Variants in GRID1 observed in about 807,000 individuals in gnomAD.
GRID1 encodes glutamate ionotropic receptor delta type subunit 1.
A neutral mutation model predicts 98.0 loss-of-function variants in GRID1; 28 were observed. The ratio of observed to expected loss-of-function variants is 0.29; its 90% CI spans 0.21 to 0.39. The LOEUF (loss-of-function observed/expected upper bound fraction) is 0.39, where lower values mean the gene tolerates loss of function less well. Ranked by LOEUF, GRID1 falls within the 10% of genes least tolerant of loss-of-function variation. The pLI, the probability that GRID1 is intolerant of heterozygous loss-of-function variation, is 1.00. For synonymous variants in GRID1, 553 were observed against 538.5 expected (o/e 1.03, Z -0.37); for missense variants, 1,111 against 1,340.5 (o/e 0.83, Z 2.67).
intron 12 of GRID1, among the ~76,000 whole-genome samples, chr10:85,704,381 C>T (rs1458357782): frequency 6.6e-6 from 1 of 152,184 alleles, no homozygotes; most frequent in Non-Finnish European, 1.5e-5. Context: ...AAGGCCATTA[C>T]ATAATGGTAA....
At chr10:85,742,928 T>G (rs1841958541) in intron 8 of GRID1, among the ~76,000 whole-genome samples, 1 of 152,140 alleles carries the variant, frequency 6.6e-6, no homozygotes, top group Non-Finnish European at 1.5e-5. Flanking sequence ...CAGATAATTA[T>G]TTGTGGGTTG....
At chr10:86,236,146 AT>A (rs1487858890) in intron 2 of GRID1, among the ~76,000 whole-genome samples, 1 of 152,186 alleles carries the variant, frequency 6.6e-6, no homozygotes, top group African/African-American at 2.4e-5. Context: ...GACTAACATT[AT>A]TGAACATCTT....
At chr10:86,111,877 T>G (rs1387760028) in intron 4 of GRID1, among the ~76,000 whole-genome samples, 1 of 152,210 alleles carries the variant, frequency 6.6e-6, no homozygotes, top group Non-Finnish European at 1.5e-5. Context: ...ATAGAATCTC[T>G]GGATGACATT....
chr10:86,098,632 C>T (rs1051080770), intron 4 of GRID1, among the ~76,000 whole-genome samples: 9 of 152,220 alleles, frequency 5.9e-5, no homozygotes, highest in Non-Finnish European at 8.8e-5. Context: ...CAGAACATCT[C>T]CACCAGGTTA....
At chr10:85,735,175 C>T (rs1224327428) in intron 8 of GRID1, among the ~76,000 whole-genome samples, 3 of 152,132 alleles carry the variant, frequency 2.0e-5, no homozygotes, top group South Asian at 2.1e-4. Flanking sequence ...TTTACAGGAT[C>T]GATGAATTTA....
intron 4 of GRID1, among the ~76,000 whole-genome samples, chr10:86,060,938 C>A (rs1843639409): frequency 6.6e-6 from 1 of 152,138 alleles, no homozygotes; most frequent in African/African-American, 2.4e-5. Flanking sequence ...GATCAGTTGA[C>A]TCTACAATGC....
intron 8 of GRID1, among the ~76,000 whole-genome samples, chr10:85,753,857 G>A (rs1179416011): frequency 6.6e-6 from 1 of 152,168 alleles, no homozygotes; most frequent in Non-Finnish European, 1.5e-5. Context: ...GGATTGCAAG[G>A]TGATACACCA....
Position 86,111,725 on chromosome 10 carries a change from C to A in GRID1, c.726+27094G>T, listed in dbSNP as rs370614400. On this transcript the variant is annotated intron_variant, in intron 4 of 15. Transcript: ENST00000327946. ...GATGAGGATCTGGTGTTCACAGCTT[C>A]CCAGGCTAACAGATATCAGTGTTTG... Among the ~76,000 whole-genome samples the A allele has an allele frequency of 1.6e-4, 25 of 152,326 alleles. No homozygotes were observed. The South Asian group carries it at 2.3e-3, about 14-fold the overall frequency.
chr10:85,818,725 ATT>A (rs199713936), intron 8 of GRID1, among the ~76,000 whole-genome samples: 34 of 148,612 alleles, frequency 2.3e-4, no homozygotes, highest in African/African-American at 7.8e-4. Flanking sequence ...AGCAATAGTA[ATT>A]TTTTTTTTTT....
At chr10:85,662,877 T>C (rs1258673070) in intron 12 of GRID1, among the ~76,000 whole-genome samples, 2 of 152,180 alleles carry the variant, frequency 1.3e-5, no homozygotes, top group East Asian at 3.9e-4. Flanking sequence ...TCTGACTCTT[T>C]AGGCCTCGAA....
chr10:85,740,627 G>C (rs190162966), intron 8 of GRID1, among the ~76,000 whole-genome samples: 113 of 152,222 alleles, frequency 7.4e-4, no homozygotes, highest in African/African-American at 2.7e-3. Context: ...TGTACCTCCA[G>C]GAAGTACAAG....
At chr10:86,016,462 C>T (rs549218794) in intron 4 of GRID1, among the ~76,000 whole-genome samples, 7 of 152,086 alleles carry the variant, frequency 4.6e-5, no homozygotes, top group African/African-American at 1.4e-4. Context: ...GTGAAGCAAG[C>T]CTTCTTCATG....
rs555731476 is a variant in GRID1, at chr10:85,843,839, T to C, written c.1233+10657A>G. ...TCTTATGCATTTCATGGCTGAAGTA[T>C]AAAATGGTACAGCTACTCTGGAAAA... On this transcript the variant is annotated intron_variant, in intron 8 of 15. Coordinates refer to ENST00000327946, the MANE Select transcript of GRID1 (RefSeq NM_017551.3). Among the ~76,000 whole-genome samples, 22 of 152,124 alleles carry C rather than the reference T, an allele frequency of 1.4e-4. No individual in the cohort carries two copies. The South Asian group carries it at 4.6e-3, about 32-fold the overall frequency.
At chr10:85,726,321 T>A (rs182839057) in intron 10 of GRID1, among the ~76,000 whole-genome samples, 61 of 152,180 alleles carry the variant, frequency 4.0e-4, no homozygotes, top group Middle Eastern at 3.4e-3. Flanking sequence ...CTGAGAGACA[T>A]AGCCAAGGAG....
intron 2 of GRID1, among the ~76,000 whole-genome samples, chr10:86,299,821 T>C (rs1191072207): frequency 6.6e-6 from 1 of 152,010 alleles, no homozygotes; most frequent in Non-Finnish European, 1.5e-5. Context: ...AAACTGCAAA[T>C]GGGACAGACC....
intron 8 of GRID1, among the ~76,000 whole-genome samples, chr10:85,748,151 A>T (rs1404080530): frequency 6.6e-6 from 1 of 151,938 alleles, no homozygotes; most frequent in African/African-American, 2.4e-5. Context: ...GCCTCCAAAG[A>T]CCCTGGGCTC....
chr10:86,274,370 C>T (rs541674340), intron 2 of GRID1, among the ~76,000 whole-genome samples: 7 of 152,262 alleles, frequency 4.6e-5, no homozygotes, highest in African/African-American at 7.2e-5. Flanking sequence ...GTTCTTTTGG[C>T]TTAGGATTGA....
At chr10:86,005,410 A>G (rs1842849062) in intron 4 of GRID1, among the ~76,000 whole-genome samples, 1 of 152,126 alleles carries the variant, frequency 6.6e-6, no homozygotes, top group African/African-American at 2.4e-5. Context: ...GAGAGTAAGG[A>G]GAAAGATCAT....
chr10:86,078,778 G>A (rs1843922710), intron 4 of GRID1, among the ~76,000 whole-genome samples: 1 of 152,184 alleles, frequency 6.6e-6, no homozygotes, highest in African/African-American at 2.4e-5. Context: ...ATGGAACCTA[G>A]GACCCCCAGC....
Sources: allele counts gnomAD v4.1 joint callset (sites outside exome capture counted in the v4.1 genomes callset), GRCh38; gene constraint gnomAD v4.1.1; transcripts MANE v1.5; gene names NCBI Gene and HGNC (gene_info 2026-07-23, HGNC 2026-07-21).